Variants in PRRX2 observed in about 807,000 individuals in gnomAD.
PRRX2 encodes paired mesoderm homeobox protein 2.
Under a neutral mutation model 18.0 loss-of-function variants are expected in PRRX2, and 11 were observed. That is an observed-to-expected ratio of 0.61 (90% CI 0.39 to 1.01). The LOEUF (loss-of-function observed/expected upper bound fraction) is 1.01, where lower values mean the gene tolerates loss of function less well. Among genes scored for constraint, PRRX2 ranks in the 50% least tolerant of loss-of-function variants. The pLI is 0.01. For synonymous variants in PRRX2, 177 were observed against 154.8 expected (o/e 1.14, Z -1.06); for missense variants, 387 against 351.0 (o/e 1.10, Z -0.82).
At position 129,715,750 on chromosome 9, in the gene PRRX2, T is replaced by TCTCTCTCTCACACA. The variant is rs762929485; in HGVS notation, c.260-3480_260-3479insTCTCTCTCACACAC. Among the ~76,000 whole-genome samples the TCTCTCTCTCACACA allele has an allele frequency of 3.2e-4, 44 of 138,946 alleles. No individual in the cohort carries two copies. The highest frequency in any genetic ancestry group is 8.7e-4 in the African/African-American group (32 of 36,914). 91.2% of individuals were successfully genotyped at this position (138,946 alleles called of 152,430 possible). On this transcript the variant is annotated intron_variant, in intron 1 of 3. Transcript: ENST00000372469. The surrounding 1 kb of genome is among the most constrained non-coding windows in gnomAD (Gnocchi z 4.0). ...AAACCCAGCTTCAGGGACATCTTTC[T>TCTCTCTCTCACACA]CACACACACACACACACACACACAC...
At chr9:129,712,723 G>T (rs1379886187) in intron 1 of PRRX2, among the ~76,000 whole-genome samples, 4 of 152,110 alleles carry the variant, frequency 2.6e-5, no homozygotes, top group African/African-American at 7.2e-5. Context: ...CAGCTAAACA[G>T]CCTGGTCAAA....
chr9:129,676,526 G>A (rs533943601), intron 1 of PRRX2, among the ~76,000 whole-genome samples: 1 of 151,226 alleles, frequency 6.6e-6, no homozygotes, highest in South Asian at 2.1e-4. Flanking sequence ...GGTCACACAG[G>A]GGGTGGAGAA....
At chr9:129,687,954 G>T (rs1296988382) in intron 1 of PRRX2, among the ~76,000 whole-genome samples, 2 of 152,240 alleles carry the variant, frequency 1.3e-5, no homozygotes, top group African/African-American at 2.4e-5. Context: ...GGAGTGCAGT[G>T]GTGCAATCAC....
chr9:129,666,567 G>A (rs1021917050), intron 1 of PRRX2, among the ~76,000 whole-genome samples: 51 of 95,972 alleles, frequency 5.3e-4, no homozygotes, highest in Admixed American at 4.3e-3. Context: ...GAGGGTGCCT[G>A]CCCACCCCCC....
At chr9:129,672,639 G>A (rs553127669) in intron 1 of PRRX2, among the ~76,000 whole-genome samples, 2 of 152,328 alleles carry the variant, frequency 1.3e-5, no homozygotes, top group Admixed American at 1.3e-4. Flanking sequence ...ACCTGGCCTG[G>A]GTCATGTCCC....
chr9:129,717,602 A>G (rs1832726311), intron 1 of PRRX2, among the ~76,000 whole-genome samples: 1 of 151,034 alleles, frequency 6.6e-6, no homozygotes, highest in Non-Finnish European at 1.5e-5. Flanking sequence ...AGGCTGAGGC[A>G]TGAGAATCAC....
intron 1 of PRRX2, among the ~76,000 whole-genome samples, chr9:129,711,587 T>C (rs1435940603): frequency 2.0e-5 from 3 of 152,004 alleles, no homozygotes; most frequent in Non-Finnish European, 4.4e-5. Flanking sequence ...TTTGTACTTT[T>C]AGTAGAGACC....
At chr9:129,714,882 C>G (rs1832682738) in intron 1 of PRRX2, among the ~76,000 whole-genome samples, 1 of 152,092 alleles carries the variant, frequency 6.6e-6, no homozygotes, top group African/African-American at 2.4e-5. Context: ...TGGAAATGAC[C>G]CCTGCAATGA....
chr9:129,710,131 C>A (rs1812038389), intron 1 of PRRX2, among the ~76,000 whole-genome samples: 1 of 152,142 alleles, frequency 6.6e-6, no homozygotes, highest in South Asian at 2.1e-4. Context: ...CTGCTGAGAC[C>A]TGAAAGTGAG....
chr9:129,670,672 G>A (rs1263950692), intron 1 of PRRX2, among the ~76,000 whole-genome samples: 1 of 152,158 alleles, frequency 6.6e-6, no homozygotes, highest in Non-Finnish European at 1.5e-5. Context: ...ACCGTGCCCG[G>A]CCCTACCTTT....
At chr9:129,697,355 G>A (rs1391018984) in intron 1 of PRRX2, among the ~76,000 whole-genome samples, 2 of 151,918 alleles carry the variant, frequency 1.3e-5, no homozygotes, top group African/African-American at 4.8e-5. Context: ...CCTCCCGCCC[G>A]GCCGGGGCGC....
At chr9:129,670,534 C>G (rs1482040693) in intron 1 of PRRX2, among the ~76,000 whole-genome samples, 3 of 152,096 alleles carry the variant, frequency 2.0e-5, no homozygotes, top group Non-Finnish European at 4.4e-5. Context: ...GCCACCATAC[C>G]TGGCTAATTT....
chr9:129,692,019 C>T (rs1354994634), intron 1 of PRRX2, among the ~76,000 whole-genome samples: 3 of 151,178 alleles, frequency 2.0e-5, no homozygotes, highest in African/African-American at 7.3e-5. Context: ...TCTCGGCTCA[C>T]TGCAATCTCC....
At chr9:129,677,731 G>A (rs965437992) in intron 1 of PRRX2, among the ~76,000 whole-genome samples, 20 of 152,354 alleles carry the variant, frequency 1.3e-4, no homozygotes, top group African/African-American at 4.6e-4. Context: ...AGCCTCTCCC[G>A]CAGAGCGGGC....
chr9:129,678,595 G>C (rs945099826), intron 1 of PRRX2, among the ~76,000 whole-genome samples: 5 of 152,172 alleles, frequency 3.3e-5, no homozygotes, highest in Non-Finnish European at 7.4e-5. Context: ...ACGCCGGGTG[G>C]AGGAAACAGC....
intron 1 of PRRX2, among the ~76,000 whole-genome samples, chr9:129,686,117 T>C (rs1832296757): frequency 6.6e-6 from 1 of 151,928 alleles, no homozygotes; most frequent in Non-Finnish European, 1.5e-5. Context: ...AAGGCCAGGA[T>C]GGCTTGTAGT....
intron 1 of PRRX2, among the ~76,000 whole-genome samples, chr9:129,672,102 C>G (rs574961778): frequency 6.6e-6 from 1 of 152,144 alleles, no homozygotes; most frequent in Non-Finnish European, 1.5e-5. Context: ...TTTCCTAGAC[C>G]CTAAAGGACA....
intron 1 of PRRX2, among the ~76,000 whole-genome samples, chr9:129,678,292 T>C (rs1192510260): frequency 6.6e-6 from 1 of 152,096 alleles, no homozygotes; most frequent in African/African-American, 2.4e-5. Context: ...AGGGGCTGGT[T>C]TCTCTGTCAA....
chr9:129,701,092 C>G (rs1216655625), intron 1 of PRRX2, among the ~76,000 whole-genome samples: 1 of 152,228 alleles, frequency 6.6e-6, no homozygotes, highest in Non-Finnish European at 1.5e-5. Flanking sequence ...AGAGGAAAAT[C>G]GCAAGAGACC....
Sources: allele counts gnomAD v4.1 joint callset (sites outside exome capture counted in the v4.1 genomes callset), GRCh38; gene constraint gnomAD v4.1.1; non-coding constraint Gnocchi (gnomAD v3.1); transcripts MANE v1.5; gene names NCBI Gene and HGNC (gene_info 2026-07-23, HGNC 2026-07-21).